RPTOR: variants seen among roughly 807,000 people sequenced by gnomAD.
The protein encoded by RPTOR is regulatory-associated protein of mTOR.
Under a neutral mutation model 169.9 loss-of-function variants are expected in RPTOR, and 21 were observed. The ratio of observed to expected loss-of-function variants is 0.12; its 90% CI spans 0.09 to 0.18. RPTOR has a LOEUF of 0.18. Among genes scored for constraint, RPTOR ranks in the 10% least tolerant of loss-of-function variants. The pLI, the probability that RPTOR is intolerant of heterozygous loss-of-function variation, is 1.00. For synonymous variants in RPTOR, 732 were observed against 753.2 expected (o/e 0.97, Z 0.46); for missense variants, 1,133 against 1,855.9 (o/e 0.61, Z 7.16).
chr17:80,923,761 C>A, intron 23 of RPTOR, 88 bp downstream of exon 23: 1 of 1,376,258 alleles, frequency 7.3e-7, no homozygotes, highest in Non-Finnish European at 9.7e-7. Flanking sequence ...AGGCTGCTCA[C>A]ATCACCATGG....
intron 14 of RPTOR, 60 bp downstream of exon 14, chr17:80,880,549 A>G: frequency 6.8e-7 from 1 of 1,470,798 alleles, no homozygotes; most frequent in South Asian, 1.1e-5. Flanking sequence ...CTCTGCCCAC[A>G]CGCTGCACTG....
intron 1 of RPTOR, among the ~76,000 whole-genome samples, chr17:80,552,912 A>G (rs1275177692): frequency 1.3e-5 from 2 of 152,240 alleles, no homozygotes; most frequent in Non-Finnish European, 2.9e-5. Flanking sequence ...GCAGACCAAC[A>G]TTCAGCAGAC....
intron 6 of RPTOR, among the ~76,000 whole-genome samples, chr17:80,774,991 C>T (rs1206718342): frequency 6.6e-6 from 1 of 152,228 alleles, no homozygotes; most frequent in Non-Finnish European, 1.5e-5. Flanking sequence ...ACCTTCCTCC[C>T]TCGGGCTCCT....
intron 1 of RPTOR, among the ~76,000 whole-genome samples, chr17:80,594,388 G>C (rs1381382599): frequency 1.3e-5 from 2 of 152,174 alleles, no homozygotes; most frequent in Non-Finnish European, 2.9e-5. Flanking sequence ...CACCACGCCC[G>C]GCCGTGCAGT....
intron 7 of RPTOR, among the ~76,000 whole-genome samples, chr17:80,806,828 C>G (rs1276535541): frequency 6.6e-6 from 1 of 151,942 alleles, no homozygotes; most frequent in Non-Finnish European, 1.5e-5. Context: ...TTCTCTTTTG[C>G]TTATACATAT....
chr17:80,935,438 A>G (rs954335804), intron 24 of RPTOR, among the ~76,000 whole-genome samples: 3 of 152,230 alleles, frequency 2.0e-5, no homozygotes, highest in African/African-American at 4.8e-5. Flanking sequence ...GCCTCACACT[A>G]TCTTATTTCA....
At chr17:80,711,607 CCATG>C (rs779385189) in intron 4 of RPTOR, among the ~76,000 whole-genome samples, 2 of 152,080 alleles carry the variant, frequency 1.3e-5, no homozygotes, top group East Asian at 3.8e-4. Flanking sequence ...TAATTAAGGT[CCATG>C]CATTGCATCT....
intron 20 of RPTOR, among the ~76,000 whole-genome samples, chr17:80,903,377 A>T (rs2068500909): frequency 6.6e-6 from 1 of 152,098 alleles, no homozygotes; most frequent in African/African-American, 2.4e-5. Flanking sequence ...GAGCCCGGAG[A>T]CCCGAGCCCA....
chr17:80,864,553 T>C (rs994874311), intron 13 of RPTOR, among the ~76,000 whole-genome samples: 1 of 152,080 alleles, frequency 6.6e-6, no homozygotes. Flanking sequence ...ACTGAAAATA[T>C]ATTTCCAAAT....
At position 80,936,251 on chromosome 17, in the gene RPTOR, A is replaced by G. The variant is rs2068953740; in HGVS notation, c.2920-4245A>G. On this transcript the variant is annotated intron_variant, in intron 24 of 33. Transcript: ENST00000306801. This position sits in a 1 kb window ranked among gnomAD's most constrained non-coding sequence, Gnocchi z 4.1. ...GCATCTGAAACCCTCATTCTTGGCT[A>G]CTGCAACTACAAGATGCTACAGACA... Among the ~76,000 whole-genome samples, 1 of 152,224 alleles carries G rather than the reference A, an allele frequency of 6.6e-6. No individual in the cohort carries two copies. Among genetic ancestry groups the G allele is most frequent in the Non-Finnish European group, 1.5e-5 (1 of 68,034 alleles).
Position 80,962,455 on chromosome 17 carries a change from T to C in RPTOR, c.3693-6T>C, listed in dbSNP as rs2069356261. 1 of 1,612,176 alleles carries C rather than the reference T, an allele frequency of 6.2e-7. No homozygotes were observed. The highest frequency in any genetic ancestry group is 8.5e-7 in the Non-Finnish European group (1 of 1,178,602). Reference sequence around the variant, plus strand: ...AGGAGGTGTCACTGTGACCCTCTCTTGGCAGCGTCAATGGAGATGTGCGCA... The same window carrying C: ...AGGAGGTGTCACTGTGACCCTCTCTCGGCAGCGTCAATGGAGATGTGCGCA... On this transcript the variant is annotated splice_region_variant and splice_polypyrimidine_tract_variant and intron_variant, in intron 31 of 33. Coordinates refer to ENST00000306801, the MANE Select transcript of RPTOR (RefSeq NM_020761.3).
intron 7 of RPTOR, among the ~76,000 whole-genome samples, chr17:80,807,349 C>CT (rs368825043): frequency 2.2e-4 from 33 of 151,646 alleles, no homozygotes; most frequent in Admixed American, 4.6e-4. Context: ...CCCCACCACC[C>CT]TTTTTTTTGG....
At chr17:80,742,073 A>G (rs534205269) in intron 5 of RPTOR, among the ~76,000 whole-genome samples, 4 of 152,336 alleles carry the variant, frequency 2.6e-5, no homozygotes, top group Admixed American at 6.5e-5. Flanking sequence ...GGATTTAACA[A>G]AAGCAGTGTC....
At chr17:80,909,981 G>A (rs1241542946) in intron 21 of RPTOR, 1 of 152,188 alleles carries the variant, frequency 6.6e-6, no homozygotes, top group Non-Finnish European at 1.5e-5. Flanking sequence ...CCTTTTGTGA[G>A]CTCTGGGCAT....
chr17:80,920,754 T>C (rs1332394227), intron 21 of RPTOR, among the ~76,000 whole-genome samples: 1 of 152,252 alleles, frequency 6.6e-6, no homozygotes, highest in African/African-American at 2.4e-5. Flanking sequence ...AAAGGCTTCA[T>C]TTCAACTCCA....
chr17:80,908,784 A>G, intron 20 of RPTOR, 27 bp from the exon 21 acceptor site: 1 of 1,562,810 alleles, frequency 6.4e-7, no homozygotes, highest in Non-Finnish European at 8.8e-7. Flanking sequence ...ACTTTCCACT[A>G]AAACATCTTC....
chr17:80,846,951 G>T (rs1003786153), intron 11 of RPTOR, among the ~76,000 whole-genome samples: 1 of 152,246 alleles, frequency 6.6e-6, no homozygotes, highest in Non-Finnish European at 1.5e-5. Context: ...GATGGGCTTT[G>T]CTTCAGAGCA....
chr17:80,630,818 C>T (rs748068802), intron 2 of RPTOR, among the ~76,000 whole-genome samples: 8 of 152,192 alleles, frequency 5.3e-5, no homozygotes, highest in Non-Finnish European at 8.8e-5. Context: ...CTGTGCCTGC[C>T]CACGTGCCTC....
At position 80,634,715 on chromosome 17, in the gene RPTOR, C is replaced by T. The variant is rs1225976027; in HGVS notation, c.265+8922C>T. Among the ~76,000 whole-genome samples, 14 of 76,784 alleles carry T rather than the reference C, an allele frequency of 1.8e-4. 2 individuals carry two copies. The highest frequency in any genetic ancestry group is 3.5e-4 in the African/African-American group (5 of 14,098). 50.4% of individuals were successfully genotyped at this position (76,784 alleles called of 152,430 possible). A position where few individuals can be genotyped will look rare whatever the true frequency, so the allele number is the denominator to read the frequency against. ...TGTGCGTGTGCGTACTGTGTGTGTG[C>T]GTACTGTGTGTGTGCGTACTGTGTG... On this transcript the variant is annotated intron_variant, in intron 2 of 33. Coordinates refer to ENST00000306801, the MANE Select transcript of RPTOR (RefSeq NM_020761.3).
Sources: allele counts gnomAD v4.1 joint callset (sites outside exome capture counted in the v4.1 genomes callset), GRCh38; gene constraint gnomAD v4.1.1; non-coding constraint Gnocchi (gnomAD v3.1); transcripts MANE v1.5; gene names NCBI Gene and HGNC (gene_info 2026-07-23, HGNC 2026-07-21).